Variants in ZNF99 observed in about 807,000 individuals in gnomAD.
The protein encoded by ZNF99 is zinc finger protein ENSP00000375192.
In ZNF99, 8 loss-of-function variants were observed where a neutral mutation model predicts 12.8. The ratio of observed to expected loss-of-function variants is 0.62; its 90% CI spans 0.37 to 1.13. The LOEUF is 1.13. Ranked by LOEUF, ZNF99 falls within the 50% of genes most tolerant of loss-of-function variation. The pLI is 0.02. For missense variants in ZNF99, 1,007 were observed against 1,006.2 expected (o/e 1.00, Z -0.01); for synonymous variants, 318 against 319.0 (o/e 1.00, Z 0.03).
At chr19:22,783,317 CT>C (rs35900800) in intron 1 of ZNF99, among the ~76,000 whole-genome samples, 60,816 of 149,774 alleles carry the variant, frequency 0.41, 14,272 homozygotes, top group African/African-American at 0.67. Context: ...AATTCAAGTG[CT>C]TTTTTTTTTG....
intron 2 of ZNF99, 67 bp downstream of exon 2, chr19:22,769,131 T>A (rs1336325507): frequency 1.3e-5 from 20 of 1,501,902 alleles, no homozygotes; most frequent in Non-Finnish European, 1.8e-5. Context: ...CCAAAACACA[T>A]CCTACAGAAA....
chr19:22,772,249 T>C (rs1468986182), intron 1 of ZNF99, among the ~76,000 whole-genome samples: 2 of 152,180 alleles, frequency 1.3e-5, no homozygotes, highest in Admixed American at 1.3e-4. Context: ...TTTTTATTTA[T>C]TTACAGGAAT....
intron 1 of ZNF99, among the ~76,000 whole-genome samples, chr19:22,773,079 C>T (rs1009396990): frequency 6.6e-6 from 1 of 152,152 alleles, no homozygotes; most frequent in Non-Finnish European, 1.5e-5. Flanking sequence ...TCTGATCTAG[C>T]CTCTCTAAAA....
Position 22,758,766 on chromosome 19 carries a change from C to G in ZNF99, c.1143G>C (p.Leu381Phe), listed in dbSNP as rs539751305. The change falls in exon 4 of 4, where the codon TTG becomes TTC. Residue 381 changes from leucine (L) to phenylalanine (F), a missense_variant. Leu to Phe is a conservative substitution (Grantham distance 22, BLOSUM62 0). Coordinates refer to ENST00000596209, the MANE Select transcript of ZNF99 (RefSeq NM_001080409.3). Reference protein sequence around the residue: ...YEECGKAFSNLSALRKHEIIH... With the variant: ...YEECGKAFSNFSALRKHEIIH... ...TTATCTCATGTTTTCTAAGGGCTGACAAATTGCTAAAAGCTTTGCCGCATT... is the reference window on the plus strand; with the variant it reads ...TTATCTCATGTTTTCTAAGGGCTGAGAAATTGCTAAAAGCTTTGCCGCATT... The G allele has an allele frequency of 1.7e-4, 273 of 1,604,952 alleles. 1 individual carries two copies. In the South Asian group the frequency reaches 1.7e-3, roughly 10 times the overall value.
At chr19:22,763,214 AT>A (rs1973168645) in intron 3 of ZNF99, among the ~76,000 whole-genome samples, 1 of 152,210 alleles carries the variant, frequency 6.6e-6, no homozygotes, top group African/African-American at 2.4e-5. Flanking sequence ...TGCGGATGAT[AT>A]GATTGTTTAC....
In ZNF99 at chr19:22,756,448, C is replaced by T. The variant is rs768240651; in HGVS notation, c.*866G>A. ...ACTAAATGCTTTACCACACTCTTCA[C>T]ATTTGTAGGGTTTCTTTCCAGTATG... On this transcript the variant is annotated 3_prime_UTR_variant, in exon 4 of 4. Transcript: ENST00000596209. 3 of 1,580,552 alleles carry T rather than the reference C, an allele frequency of 1.9e-6. No homozygotes were observed. Among genetic ancestry groups the T allele is most frequent in the Non-Finnish European group, 1.7e-6 (2 of 1,164,916 alleles).
At chr19:22,773,002 T>A (rs1263271887) in intron 1 of ZNF99, among the ~76,000 whole-genome samples, 4 of 152,168 alleles carry the variant, frequency 2.6e-5, no homozygotes, top group Non-Finnish European at 5.9e-5. Flanking sequence ...CAGTTTCAGA[T>A]GTGAAGATAC....
intron 1 of ZNF99, chr19:22,770,361 CTT>C (rs35661475): frequency 1.4e-4 from 20 of 145,830 alleles, no homozygotes; most frequent in South Asian, 6.5e-4. Context: ...TGTCAGACAG[CTT>C]TTTTTTTTTT....
chr19:22,769,765 A>T (rs1973245601), intron 1 of ZNF99, among the ~76,000 whole-genome samples: 1 of 151,948 alleles, frequency 6.6e-6, no homozygotes, highest in Non-Finnish European at 1.5e-5. Context: ...TGTCTCAAAA[A>T]AAAAAAAATA....
Position 22,755,943 on chromosome 19 carries a change from A to T in ZNF99, c.*1371T>A. On this transcript the variant is annotated 3_prime_UTR_variant, in exon 4 of 4. Coordinates refer to ENST00000596209, the MANE Select transcript of ZNF99 (RefSeq NM_001080409.3). ...AATGGTTAAAAGCTTTGTCACCTTT[A>T]TTATATTTGTAGGGTTTTCCTCCAG... 1 of 430,660 alleles carries T rather than the reference A, an allele frequency of 2.3e-6. No homozygotes were observed. The highest frequency in any genetic ancestry group is 4.3e-6 in the Non-Finnish European group (1 of 232,180). 26.7% of individuals were successfully genotyped at this position (430,660 alleles called of 1,614,324 possible).
chr19:22,764,931 TTCCTAAAGAACTA>T (rs1166296106), intron 3 of ZNF99, among the ~76,000 whole-genome samples: 1 of 152,192 alleles, frequency 6.6e-6, no homozygotes, highest in Non-Finnish European at 1.5e-5. Flanking sequence ...AGTGTGGAGA[TTCCTAAAGAACTA>T]AAAGTTGTAC....
chr19:22,761,652 A>G (rs1299641928), intron 3 of ZNF99, among the ~76,000 whole-genome samples: 1 of 152,196 alleles, frequency 6.6e-6, no homozygotes, highest in Non-Finnish European at 1.5e-5. Context: ...TAACAGATAT[A>G]TACAGAACAT....
In ZNF99 at chr19:22,755,664, A is replaced by G; in HGVS notation, c.*1650T>C. 3.5e-6 allele frequency: 1 copy of G among 287,860 alleles called. No homozygotes were observed. Among genetic ancestry groups the G allele is most frequent in the Non-Finnish European group, 7.1e-6 (1 of 140,040 alleles). 17.8% of individuals were successfully genotyped at this position (287,860 alleles called of 1,614,324 possible). ...ATTATTTTATGTTGAGTAAAGTTTG[A>G]GGACTGGTTAAAAGCTTTGCCCATT... On this transcript the variant is annotated 3_prime_UTR_variant, in exon 4 of 4. Coordinates refer to ENST00000596209, the MANE Select transcript of ZNF99 (RefSeq NM_001080409.3).
intron 1 of ZNF99, among the ~76,000 whole-genome samples, chr19:22,776,973 C>T (rs1005564020): frequency 6.6e-6 from 1 of 151,940 alleles, no homozygotes; most frequent in Non-Finnish European, 1.5e-5. Context: ...TGGCAAAACC[C>T]TATGTCAACA....
chr19:22,766,432 G>A (rs1973204866), intron 3 of ZNF99, among the ~76,000 whole-genome samples: 2 of 150,608 alleles, frequency 1.3e-5, no homozygotes, highest in South Asian at 2.1e-4. Context: ...CTACGCCTCT[G>A]GGTTCAAGTG....
chr19:22,765,572 A>G (rs548926954), intron 3 of ZNF99, among the ~76,000 whole-genome samples: 13 of 152,174 alleles, frequency 8.5e-5, no homozygotes, highest in Non-Finnish European at 1.3e-4. Context: ...GTAATAAAAA[A>G]AATTCTTAAT....
chr19:22,777,660 A>G (rs1195170428), intron 1 of ZNF99, among the ~76,000 whole-genome samples: 1 of 152,146 alleles, frequency 6.6e-6, no homozygotes, highest in Non-Finnish European at 1.5e-5. Flanking sequence ...CTGGCAGATG[A>G]TATTATGAAC....
In ZNF99 at chr19:22,768,812, C is replaced by A. The variant is rs546233625; in HGVS notation, c.130+386G>T. Among the ~76,000 whole-genome samples the A allele has an allele frequency of 1.0e-3, 158 of 152,202 alleles. 2 individuals are homozygous for A. Among genetic ancestry groups the A allele is most frequent in the African/African-American group, 3.5e-3 (145 of 41,542 alleles). Reference sequence around the variant, plus strand: ...CTTTGAGAGGCCGAGGCAGGTGGATCACCTGAGGTCAGGAGTTCAAGACCA... The same window carrying A: ...CTTTGAGAGGCCGAGGCAGGTGGATAACCTGAGGTCAGGAGTTCAAGACCA... On this transcript the variant is annotated intron_variant, in intron 2 of 3. Coordinates refer to ENST00000596209, the MANE Select transcript of ZNF99 (RefSeq NM_001080409.3).
chr19:22,756,563 A>G lies in ZNF99; in HGVS notation c.*751T>C. 1 of 1,571,136 alleles carries G rather than the reference A, an allele frequency of 6.4e-7. No homozygotes were observed. On this transcript the variant is annotated 3_prime_UTR_variant, in exon 4 of 4. Transcript: ENST00000596209. ...TAGGGTTTCTCTCCAGTATGAATTGATTTATGTTTAGTAAGGTGTGAGGAT... is the reference window on the plus strand; with the variant it reads ...TAGGGTTTCTCTCCAGTATGAATTGGTTTATGTTTAGTAAGGTGTGAGGAT...
Sources: gnomAD v4.1 joint callset for allele counts (sites outside exome capture counted in the v4.1 genomes callset) on GRCh38, gnomAD v4.1.1 for gene constraint, MANE v1.5 for transcripts, NCBI Gene and HGNC (gene_info 2026-07-23, HGNC 2026-07-21) for gene names.